The following ITPR3 variants were observed in gnomAD, a reference collection of about 807,000 sequenced individuals.
ITPR3 encodes the protein inositol 1,4,5-trisphosphate-gated calcium channel ITPR3.
In ITPR3, 173 loss-of-function variants were observed where a neutral mutation model predicts 293.2. The observed-to-expected ratio is 0.59, with a 90% CI of 0.52 to 0.67. The LOEUF (loss-of-function observed/expected upper bound fraction) is 0.67. Among genes scored for constraint, ITPR3 ranks in the 30% least tolerant of loss-of-function variants. The pLI, the probability that ITPR3 is intolerant of heterozygous loss-of-function variation, is 0.00. For synonymous variants in ITPR3, 1,295 were observed against 1,444.4 expected (o/e 0.90, Z 2.35); for missense variants, 2,796 against 3,592.1 (o/e 0.78, Z 5.66).
rs79218526 is a variant in ITPR3 at position 33,683,074 on chromosome 6, G to T, written c.4598-133G>T. The stretch of plus-strand genomic sequence containing the variant: ...CAGTCCCTCAAGCATAGGCCGGGGT[G>T]GGGGGGGTCTCTGTCTCCCAGACCC... On this transcript the variant is annotated intron_variant, in intron 34 of 57. Transcript: ENST00000605930. The surrounding 1 kb of genome is among the most constrained non-coding windows in gnomAD (Gnocchi z 4.5). 16 of 57,090 alleles carry T rather than the reference G, an allele frequency of 2.8e-4. No individual in the cohort carries two copies. The highest frequency in any genetic ancestry group is 4.6e-4 in the African/African-American group (4 of 8,678). 3.5% of individuals were successfully genotyped at this position (57,090 alleles called of 1,614,324 possible).
At chr6:33,688,911 G>A (rs1011542711) in intron 49 of ITPR3, 130 bp downstream of exon 49, 37 of 1,241,986 alleles carry the variant, frequency 3.0e-5, no homozygotes, top group South Asian at 9.4e-5. Flanking sequence ...CACCCCCTGC[G>A]CCATCCTGTG....
chr6:33,656,489 G>A (rs543813606), intron 3 of ITPR3, among the ~76,000 whole-genome samples: 1 of 152,058 alleles, frequency 6.6e-6, no homozygotes, highest in African/African-American at 2.4e-5. Context: ...TGGAGCCTGG[G>A]GCCCTTAGAT....
At position 33,684,264 on chromosome 6, in the gene ITPR3, G is replaced by A. The variant is rs1765162664; in HGVS notation, c.4938-93G>A. The A allele has an allele frequency of 1.3e-6, 2 of 1,586,968 alleles. No homozygotes were observed. The highest frequency in any genetic ancestry group is 1.7e-5 in the Admixed American group (1 of 59,904). ...ACTAGACAGGCTCACTGGGTCAGAG[G>A]GCCTGGGGGTGTTCCTGCCTGGGAT... On this transcript the variant is annotated intron_variant, in intron 36 of 57. Coordinates refer to ENST00000605930, the MANE Select transcript of ITPR3 (RefSeq NM_002224.4). This position sits in a 1 kb window ranked among gnomAD's most constrained non-coding sequence, Gnocchi z 4.2.
chr6:33,627,780 A>T (rs1763582822), intron 1 of ITPR3, among the ~76,000 whole-genome samples: 1 of 152,206 alleles, frequency 6.6e-6, no homozygotes, highest in Non-Finnish European at 1.5e-5. Context: ...TTGCACTAGC[A>T]TGTGGGGAGT....
rs1270417894 is a variant in ITPR3 at position 33,684,911 on chromosome 6, C to T, written c.5275C>T (p.His1759Tyr). 4 of 1,613,444 alleles carry T rather than the reference C, an allele frequency of 2.5e-6. No homozygotes were observed. The highest frequency in any genetic ancestry group is 2.7e-5 in the African/African-American group (2 of 75,082). ...CCAGGAGAGCATCGGCCTGGCCATC[C>T]ACCTGCTGGATGGTGGCAACACAGA... Reference protein sequence around the residue: ...IFQESIGLAIHLLDGGNTEIQ... With the variant: ...IFQESIGLAIYLLDGGNTEIQ... The change falls in exon 39 of 58, where the codon CAC (histidine) becomes TAC (tyrosine). Residue 1759 changes from histidine (H) to tyrosine (Y), a missense_variant. Physicochemically the swap from His to Tyr is moderately conservative, Grantham distance 83. Transcript: ENST00000605930. The surrounding 1 kb of genome is among the most constrained non-coding windows in gnomAD (Gnocchi z 4.2).
At chr6:33,644,603 G>A (rs1764023609) in intron 2 of ITPR3, among the ~76,000 whole-genome samples, 1 of 151,604 alleles carries the variant, frequency 6.6e-6, no homozygotes, top group African/African-American at 2.4e-5. Flanking sequence ...GCTTTGACCA[G>A]GGGTCTGTTT....
intron 29 of ITPR3, 37 bp from the exon 30 acceptor site, chr6:33,678,602 G>GCC: frequency 6.9e-7 from 1 of 1,455,534 alleles, no homozygotes; most frequent in Non-Finnish European, 9.5e-7. Context: ...TGGGGGCGGG[G>GCC]CCCAGATCTC....
intron 55 of ITPR3, among the ~76,000 whole-genome samples, chr6:33,693,248 G>A (rs1189717554): frequency 1.3e-5 from 2 of 152,190 alleles, no homozygotes; most frequent in African/African-American, 4.8e-5. Context: ...TGTATGGCCT[G>A]TAGGACCTCG....
intron 2 of ITPR3, among the ~76,000 whole-genome samples, chr6:33,646,481 T>C (rs1034120581): frequency 5.9e-5 from 9 of 151,696 alleles, no homozygotes; most frequent in African/African-American, 2.2e-4. Flanking sequence ...TCCCTTTTCT[T>C]ATAGAAAGAT....
intron 7 of ITPR3, among the ~76,000 whole-genome samples, chr6:33,660,135 G>C (rs576625831): frequency 2.0e-5 from 3 of 152,208 alleles, no homozygotes; most frequent in Admixed American, 6.5e-5. Flanking sequence ...CTGAACAGCA[G>C]ATGTGGGCGA....
At position 33,678,306 on chromosome 6, in the gene ITPR3, C is replaced by T. The variant is rs536866141; in HGVS notation, c.3649-115C>T. On this transcript the variant is annotated intron_variant, in intron 28 of 57. Coordinates refer to ENST00000605930, the MANE Select transcript of ITPR3 (RefSeq NM_002224.4). ...GGCCCCACTTTCCCTTTACGCTGGCCTCTTCACGGTCCCAGTCCCAAGCCC... is the reference window on the plus strand; with the variant it reads ...GGCCCCACTTTCCCTTTACGCTGGCTTCTTCACGGTCCCAGTCCCAAGCCC... 2.5e-5 allele frequency: 36 copies of T among 1,425,148 alleles called. 1 individual carries two copies. In the South Asian group the frequency reaches 4.0e-4, roughly 16 times the overall value. 88.3% of individuals were successfully genotyped at this position (1,425,148 alleles called of 1,614,324 possible). A position where few individuals can be genotyped will look rare whatever the true frequency, so the allele number is the denominator to read the frequency against.
chr6:33,666,002 C>G lies in ITPR3; in HGVS notation c.1551+26C>G. ...GTGCGTGTGCACCCATGAGGGGACGCAGAGGGGCCGGGTGCCCGGGAGAGG... is the reference window on the plus strand; with the variant it reads ...GTGCGTGTGCACCCATGAGGGGACGGAGAGGGGCCGGGTGCCCGGGAGAGG... On this transcript the variant is annotated intron_variant, in intron 14 of 57. Transcript: ENST00000605930. The surrounding 1 kb of genome is among the most constrained non-coding windows in gnomAD (Gnocchi z 5.1). 6.4e-7 allele frequency: 1 copy of G among 1,567,778 alleles called. No individual in the cohort carries two copies. The highest frequency in any genetic ancestry group is 1.7e-4 in the Middle Eastern group (1 of 5,848).
At chr6:33,693,996 A>G (rs1322448798) in intron 56 of ITPR3, among the ~76,000 whole-genome samples, 3 of 152,160 alleles carry the variant, frequency 2.0e-5, no homozygotes, top group Admixed American at 6.5e-5. Flanking sequence ...GAAAAATCCC[A>G]CAGCAAACCC....
Position 33,662,535 on chromosome 6 carries a change from T to TG in ITPR3, c.721dup (p.Val241GlyfsTer15). 6.3e-7 allele frequency: 1 copy of TG among 1,594,730 alleles called. No individual in the cohort carries two copies. The highest frequency in any genetic ancestry group is 8.5e-7 in the Non-Finnish European group (1 of 1,172,642). ...ACACCCTGCTGCCTGCAGGGAGACGTGGTGCGGCTGTTCCATGCGGAGCAG... is the reference window on the plus strand; with the variant it reads ...ACACCCTGCTGCCTGCAGGGAGACGTGGGTGCGGCTGTTCCATGCGGAGCAG... On this transcript the variant is annotated frameshift_variant, in exon 8 of 58. Transcript: ENST00000605930. LOFTEE classifies it high-confidence loss of function.
In ITPR3 at chr6:33,691,997, G is replaced by C; in HGVS notation, c.7458+69G>C. On this transcript the variant is annotated intron_variant, in intron 54 of 57. Coordinates refer to ENST00000605930, the MANE Select transcript of ITPR3 (RefSeq NM_002224.4). The surrounding 1 kb of genome is among the most constrained non-coding windows in gnomAD (Gnocchi z 4.9). ...CTGTCCAGATCAGCAACTGTGGAGA[G>C]TCCTGTCCTTGGCCTCGCGTCAGAT... 6.3e-7 allele frequency: 1 copy of C among 1,598,798 alleles called. No individual in the cohort carries two copies. Among genetic ancestry groups the C allele is most frequent in the Non-Finnish European group, 8.5e-7 (1 of 1,170,038 alleles).
At position 33,667,649 on chromosome 6, in the gene ITPR3, C is replaced by T. The variant is rs1329588442; in HGVS notation, c.1714-143C>T. On this transcript the variant is annotated intron_variant, in intron 15 of 57. Transcript: ENST00000605930. This position sits in a 1 kb window ranked among gnomAD's most constrained non-coding sequence, Gnocchi z 4.4. Reference sequence around the variant, plus strand: ...ATGTAATGTAAGCCACTCTTCTGCCCAGCGATGCTTCCTTTCCTGGACCTC... The same window carrying T: ...ATGTAATGTAAGCCACTCTTCTGCCTAGCGATGCTTCCTTTCCTGGACCTC... 1.9e-5 allele frequency: 17 copies of T among 895,644 alleles called. No homozygotes were observed. The African/African-American group carries it at 2.5e-4, about 13-fold the overall frequency. The allele number at this position is 895,644 out of a possible 1,614,324, so 55.5% of individuals were successfully genotyped here. A position where few individuals can be genotyped will look rare whatever the true frequency, so the allele number is the denominator to read the frequency against.
chr6:33,685,187 T>C (rs1267273629), intron 39 of ITPR3, among the ~76,000 whole-genome samples, 172 bp from the exon 40 acceptor site: 1 of 152,046 alleles, frequency 6.6e-6, no homozygotes, highest in Admixed American at 6.5e-5. Context: ...GGAGCAGATA[T>C]GGGGCATGGA....
At chr6:33,628,801 G>A (rs1275057089) in intron 1 of ITPR3, among the ~76,000 whole-genome samples, 1 of 152,162 alleles carries the variant, frequency 6.6e-6, no homozygotes, top group Non-Finnish European at 1.5e-5. Context: ...AGCTGCAGGT[G>A]CTTGAGGCAG....
Position 33,640,198 on chromosome 6 carries a change from C to T in ITPR3, c.90-286C>T, listed in dbSNP as rs567998367. Among the ~76,000 whole-genome samples, 4 of 152,230 alleles carry T rather than the reference C, an allele frequency of 2.6e-5. No homozygotes were observed. The South Asian group carries it at 6.2e-4, about 24-fold the overall frequency. On this transcript the variant is annotated intron_variant, in intron 1 of 57. Transcript: ENST00000605930. ...ATACACCTGCAGCATGTGACAGGCC[C>T]GACTGGTGGCAGAGTCCCCCCAGGA... is the stretch of plus-strand genomic sequence containing the variant.
Sources: gnomAD v4.1 joint callset for allele counts (sites outside exome capture counted in the v4.1 genomes callset) on GRCh38, gnomAD v4.1.1 for gene constraint, Gnocchi (gnomAD v3.1) non-coding constraint, MANE v1.5 for transcripts, NCBI Gene and HGNC (gene_info 2026-07-23, HGNC 2026-07-21) for gene names.